The following DRC3 variants were observed in gnomAD, a reference collection of about 807,000 sequenced individuals.
DRC3 encodes dynein regulatory complex subunit 3.
A neutral mutation model predicts 57.6 loss-of-function variants in DRC3; 45 were observed. That is an observed-to-expected ratio of 0.78 (90% CI 0.62 to 1.00). DRC3 has a LOEUF of 1.00. Ranked by LOEUF, DRC3 falls within the 50% of genes least tolerant of loss-of-function variation. The pLI, the probability that DRC3 is intolerant of heterozygous loss-of-function variation, is 0.00. For missense variants in DRC3, 655 were observed against 675.2 expected (o/e 0.97, Z 0.33); for synonymous variants, 257 against 272.3 (o/e 0.94, Z 0.55).
rs2043869873 is a variant in DRC3 at position 18,004,420 on chromosome 17, G to C, written c.1057G>C (p.Glu353Gln). The C allele has an allele frequency of 6.2e-7, 1 of 1,609,518 alleles. No homozygotes were observed. The highest frequency in any genetic ancestry group is 8.5e-7 in the Non-Finnish European group (1 of 1,177,912). Residue 353 changes from glutamate (E) to glutamine (Q), a missense_variant, in exon 10 of 14, where the codon GAA (glutamate) becomes CAA (glutamine). By Grantham distance (29) the Glu-to-Gln change is conservative (BLOSUM62 2). Coordinates refer to ENST00000399187, the MANE Select transcript of DRC3 (RefSeq NM_031294.4). ...GCCCAACATTGAGAAGATGATCCTA[G>C]AATGCAGTGCTGACATCAGTGAGTT... ...ELPNIEKMIL[E>Q]CSADISELFD...
chr17:17,997,417 C>T (rs1449042928), intron 8 of DRC3, 43 bp from the exon 9 acceptor site: 2 of 1,603,234 alleles, frequency 1.2e-6, no homozygotes, highest in East Asian at 4.5e-5. Flanking sequence ...CCCTCCGCAG[C>T]CTGCTCCTGA....
At chr17:18,004,214 CT>C in intron 9 of DRC3, 148 bp from the exon 10 acceptor site, 1 of 828,462 alleles carries the variant, frequency 1.2e-6, no homozygotes. Context: ...CTTCTACACG[CT>C]TTCAGAGCCA....
At chr17:17,980,285 G>GTTT (rs541055069) in intron 3 of DRC3, among the ~76,000 whole-genome samples, 2 of 145,388 alleles carry the variant, frequency 1.4e-5, no homozygotes, top group Admixed American at 6.8e-5. Context: ...TATTGTTGTT[G>GTTT]TTTTTTTTTT....
chr17:17,987,204 G>C (rs2043001120), intron 4 of DRC3, among the ~76,000 whole-genome samples: 2 of 109,628 alleles, frequency 1.8e-5, no homozygotes, highest in African/African-American at 7.4e-5. Flanking sequence ...AACAGAGCGA[G>C]ACCCTGTCTC....
intron 10 of DRC3, chr17:18,005,818 C>A: frequency 7.6e-6 from 2 of 263,416 alleles, no homozygotes; most frequent in Non-Finnish European, 1.5e-5. Context: ...CAGCTCACTC[C>A]ACTGTTTCCC....
intron 3 of DRC3, among the ~76,000 whole-genome samples, chr17:17,979,197 T>A (rs1191583851): frequency 6.6e-6 from 1 of 152,160 alleles, no homozygotes; most frequent in Non-Finnish European, 1.5e-5. Context: ...TGGGGCAGGC[T>A]GGACCCCGCC....
chr17:18,016,277 A>G (rs1021105535), intron 13 of DRC3, 82 bp downstream of exon 13: 2 of 1,413,252 alleles, frequency 1.4e-6, no homozygotes, highest in Non-Finnish European at 2.0e-6. Flanking sequence ...AGTGGATAGA[A>G]TTTTCATTAA....
intron 8 of DRC3, among the ~76,000 whole-genome samples, chr17:17,996,991 C>T (rs770144387): frequency 1.3e-5 from 2 of 152,198 alleles, no homozygotes; most frequent in Non-Finnish European, 2.9e-5. Flanking sequence ...TGAACATCCC[C>T]AGCACAGCTA....
intron 12 of DRC3, chr17:18,007,481 T>G (rs1464236795): frequency 6.4e-7 from 1 of 1,550,724 alleles, no homozygotes; most frequent in Non-Finnish European, 8.7e-7. Context: ...AAGTCTGAGA[T>G]TTCCCCTGGA....
chr17:18,008,043 A>C lies in DRC3; in HGVS notation c.1326+896A>C, dbSNP rs1468559981. 2.3e-5 allele frequency: 4 copies of C among 170,794 alleles called. No homozygotes were observed. Among genetic ancestry groups the C allele is most frequent in the African/African-American group, 4.8e-5 (2 of 41,720 alleles). The allele number at this position is 170,794 out of a possible 1,614,324, so 10.6% of individuals were successfully genotyped here. A position where few individuals can be genotyped will look rare whatever the true frequency, so the allele number is the denominator to read the frequency against. On this transcript the variant is annotated intron_variant, in intron 12 of 13. Transcript: ENST00000399187. The surrounding 1 kb of genome is among the most constrained non-coding windows in gnomAD (Gnocchi z 4.3). Reference sequence around the variant, plus strand: ...TGACCCCTAGCGTCAGCTCCTCCCCATAGTCCCCCAGACCCTCGGGCTGAC... The same window carrying C: ...TGACCCCTAGCGTCAGCTCCTCCCCCTAGTCCCCCAGACCCTCGGGCTGAC...
At chr17:17,993,029 G>A in intron 6 of DRC3, 118 bp downstream of exon 6, 1 of 1,071,866 alleles carries the variant, frequency 9.3e-7, no homozygotes, top group South Asian at 1.5e-5. Context: ...GAGAGAAAGG[G>A]CAGCTCCCTC....
intron 5 of DRC3, 104 bp downstream of exon 5, chr17:17,988,202 G>C (rs1256663291): frequency 8.3e-7 from 1 of 1,207,322 alleles, no homozygotes; most frequent in Non-Finnish European, 1.1e-6. Context: ...TGAGTGTTCA[G>C]ATCTTCTCAT....
At position 17,977,705 on chromosome 17, in the gene DRC3, A is replaced by G. The variant is rs764451357; in HGVS notation, c.107A>G (p.Lys36Arg). 8 of 1,613,598 alleles carry G rather than the reference A, an allele frequency of 5.0e-6. No homozygotes were observed. The highest frequency in any genetic ancestry group is 6.8e-6 in the Non-Finnish European group (8 of 1,179,800). The change falls in exon 3 of 14, where the codon AAG (lysine) becomes AGG (arginine). Residue 36 changes from lysine to arginine, a missense_variant. By Grantham distance (26) the Lys-to-Arg change is conservative. Coordinates refer to ENST00000399187, the MANE Select transcript of DRC3 (RefSeq NM_031294.4). ...CAGGAGGAGGCCGGGCAGCTGGCCAAGCAGGAGGGCATCCTCTTCAAGGAT... is the reference window on the plus strand; with the variant it reads ...CAGGAGGAGGCCGGGCAGCTGGCCAGGCAGGAGGGCATCCTCTTCAAGGAT... ...GPQEEAGQLA[K>R]QEGILFKDVL...
At chr17:17,978,058 C>A (rs987636095) in intron 3 of DRC3, 5 of 243,870 alleles carry the variant, frequency 2.1e-5, no homozygotes, top group Non-Finnish European at 4.0e-5. Flanking sequence ...TTCCATCACA[C>A]AACTCCACAT....
intron 6 of DRC3, 24 bp downstream of exon 6, chr17:17,992,935 C>T (rs747834922): frequency 4.3e-6 from 7 of 1,613,084 alleles, no homozygotes; most frequent in Non-Finnish European, 5.9e-6. Flanking sequence ...TCTCAGTCTC[C>T]CAGCCCTGTG....
chr17:17,985,235 T>C (rs4459604), intron 4 of DRC3, among the ~76,000 whole-genome samples: 71,949 of 152,088 alleles, frequency 0.47, 19,132 homozygotes, highest in East Asian at 0.9. Flanking sequence ...AGAAGCTTAT[T>C]TTCCTACTAC....
intron 2 of DRC3, among the ~76,000 whole-genome samples, chr17:17,974,331 T>G (rs2042286269): frequency 6.6e-6 from 1 of 152,220 alleles, no homozygotes; most frequent in East Asian, 1.9e-4. Flanking sequence ...GTTGCTAGAG[T>G]GAGCTTCTTA....
rs1411105090 is a variant in DRC3, at chr17:17,986,790, C to A, written c.278-1142C>A. On this transcript the variant is annotated intron_variant, in intron 4 of 13. Transcript: ENST00000399187. ...CAAATCACCTTTTAAATGTGATCAC[C>A]CTGTGGTTATCATGCTCATATTTCC... is the stretch of plus-strand genomic sequence containing the variant. Among the ~76,000 whole-genome samples the A allele has an allele frequency of 3.3e-5, 5 of 152,134 alleles. No individual in the cohort carries two copies. The South Asian group carries it at 6.2e-4, about 19-fold the overall frequency.
chr17:17,983,088 G>A (rs2042787377), intron 3 of DRC3, among the ~76,000 whole-genome samples: 1 of 152,154 alleles, frequency 6.6e-6, no homozygotes, highest in South Asian at 2.1e-4. Flanking sequence ...ACCAAACTCT[G>A]GCTTACCTAG....
Sources: gnomAD v4.1 joint callset for allele counts (sites outside exome capture counted in the v4.1 genomes callset) on GRCh38, gnomAD v4.1.1 for gene constraint, Gnocchi (gnomAD v3.1) non-coding constraint, MANE v1.5 for transcripts, NCBI Gene and HGNC (gene_info 2026-07-23, HGNC 2026-07-21) for gene names.